The following OSBPL5 variants were observed in gnomAD, a reference collection of about 807,000 sequenced individuals.
The protein encoded by OSBPL5 is oxysterol binding protein like 5, also known as oxysterol-binding protein-related protein 5.
In OSBPL5, 71 loss-of-function variants were observed where a neutral mutation model predicts 111.2. The ratio of observed to expected loss-of-function variants is 0.64; its 90% confidence interval spans 0.53 to 0.78. The LOEUF (loss-of-function observed/expected upper bound fraction) is 0.78. Among genes scored for constraint, OSBPL5 ranks in the 30% least tolerant of loss-of-function variants. OSBPL5 has a pLI of 0.00. For synonymous variants in OSBPL5, 549 were observed against 513.9 expected (o/e 1.07, Z -0.93); for missense variants, 1,210 against 1,189.3 (o/e 1.02, Z -0.26).
Position 3,088,001 on chromosome 11 carries a change from C to T in OSBPL5, c.*204G>A. ...TAAGGCCAGCGCTGGGCGGAAGGCC[C>T]TGCAGAGAGGCCAGTGCCCCTGAGA... On this transcript the variant is annotated 3_prime_UTR_variant, in exon 22 of 22. Transcript: ENST00000263650. 2 of 469,590 alleles carry T rather than the reference C, an allele frequency of 4.3e-6. No homozygotes were observed. Among genetic ancestry groups the T allele is most frequent in the Non-Finnish European group, 7.4e-6 (2 of 270,414 alleles). The allele number at this position is 469,590 out of a possible 1,614,324, so 29.1% of individuals were successfully genotyped here.
At chr11:3,132,076 C>G (rs1845831027) in intron 1 of OSBPL5, among the ~76,000 whole-genome samples, 1 of 151,334 alleles carries the variant, frequency 6.6e-6, no homozygotes, top group Non-Finnish European at 1.5e-5. Context: ...ACCCCTCTAT[C>G]CCTCCTTGAA....
chr11:3,125,298 G>C (rs1310991815), intron 3 of OSBPL5, among the ~76,000 whole-genome samples: 1 of 152,182 alleles, frequency 6.6e-6, no homozygotes, highest in Non-Finnish European at 1.5e-5. Flanking sequence ...TATCGGATAA[G>C]GACCTAGTAT....
chr11:3,138,692 C>T (rs1419474477), intron 1 of OSBPL5, among the ~76,000 whole-genome samples: 1 of 152,234 alleles, frequency 6.6e-6, no homozygotes, highest in Non-Finnish European at 1.5e-5. Flanking sequence ...GGTGCCAGTG[C>T]CCCCTTGCCT....
intron 1 of OSBPL5, among the ~76,000 whole-genome samples, chr11:3,143,919 G>T (rs760804008): frequency 1.3e-5 from 2 of 152,218 alleles, no homozygotes; most frequent in Non-Finnish European, 2.9e-5. Flanking sequence ...GGAATCGACA[G>T]CTCTTGGGAT....
intron 1 of OSBPL5, among the ~76,000 whole-genome samples, chr11:3,139,545 A>G (rs1846045774): frequency 6.6e-6 from 1 of 152,180 alleles, no homozygotes; most frequent in African/African-American, 2.4e-5. Flanking sequence ...GGGGGCTTTA[A>G]TCACCAGCCC....
Position 3,107,037 on chromosome 11 carries a change from C to T in OSBPL5, c.1059+226G>A, listed in dbSNP as rs1857717973. ...GCAAACCCCTGCCCGATCCCCGCAT[C>T]TGCATGCCAGCCAGCCAGCCAGCCA... On this transcript the variant is annotated intron_variant, in intron 9 of 21. Coordinates refer to ENST00000263650, the MANE Select transcript of OSBPL5 (RefSeq NM_020896.4). The surrounding 1 kb of genome is among the most constrained non-coding windows in gnomAD (Gnocchi z 6.1). Among the ~76,000 whole-genome samples the T allele has an allele frequency of 6.6e-6, 1 of 150,454 alleles. No homozygotes were observed. The highest frequency in any genetic ancestry group is 2.1e-4 in the South Asian group (1 of 4,680).
chr11:3,100,971 CTTTTTTTTTTT>C (rs1196891233), intron 13 of OSBPL5, among the ~76,000 whole-genome samples: 1 of 123,436 alleles, frequency 8.1e-6, no homozygotes, highest in Admixed American at 8.3e-5. Flanking sequence ...AGTTTCATTT[CTTTTTTTTTTT>C]TTTTTTTTTT....
At chr11:3,108,055 C>T (rs534105052) in intron 7 of OSBPL5, 110 bp from the exon 8 acceptor site, 3 of 1,410,724 alleles carry the variant, frequency 2.1e-6, no homozygotes, top group East Asian at 2.5e-5. Context: ...GGGACCCACC[C>T]CCTCCATCCC....
intron 1 of OSBPL5, among the ~76,000 whole-genome samples, chr11:3,143,214 G>A (rs575033534): frequency 2.0e-4 from 23 of 114,042 alleles, no homozygotes; most frequent in African/African-American, 7.6e-4. Flanking sequence ...GCAGAGGGGG[G>A]CAGAGGAGGC....
At position 3,109,604 on chromosome 11, in the gene OSBPL5, C is replaced by G. The variant is rs1026494184; in HGVS notation, c.692-1659G>C. 4.6e-5 allele frequency among the ~76,000 whole-genome samples: 7 copies of G among 151,986 alleles called. No individual in the cohort carries two copies. The highest frequency in any genetic ancestry group is 1.7e-4 in the African/African-American group (7 of 41,348). ...CCTGCCTAGACAGTGGCTCCTGGGT[C>G]TCTAGAGCTGCCCTTCTCATTGGGT... On this transcript the variant is annotated intron_variant, in intron 7 of 21. Coordinates refer to ENST00000263650, the MANE Select transcript of OSBPL5 (RefSeq NM_020896.4). The surrounding 1 kb of genome is among the most constrained non-coding windows in gnomAD (Gnocchi z 7.4).
At chr11:3,151,980 G>A (rs964041180) in intron 1 of OSBPL5, among the ~76,000 whole-genome samples, 5 of 152,248 alleles carry the variant, frequency 3.3e-5, no homozygotes, top group Admixed American at 6.5e-5. Context: ...GCACGTCACC[G>A]AGGCTTCTGG....
chr11:3,112,958 A>C (rs1267193910), intron 7 of OSBPL5, among the ~76,000 whole-genome samples: 1 of 152,164 alleles, frequency 6.6e-6, no homozygotes, highest in Non-Finnish European at 1.5e-5. Flanking sequence ...TAAGACAGGA[A>C]AAAAAAATTT....
rs192731221 is a variant in OSBPL5, at chr11:3,130,408, G to A, written c.-21-1239C>T. On this transcript the variant is annotated intron_variant, in intron 1 of 21. Transcript: ENST00000263650. This position sits in a 1 kb window ranked among gnomAD's most constrained non-coding sequence, Gnocchi z 4.5. Reference sequence around the variant, plus strand: ...TCTCCCATGGTCCTGGGCTTTGCTGGGGGGGGCCTCAGACACACAGAGACT... The same window carrying A: ...TCTCCCATGGTCCTGGGCTTTGCTGAGGGGGGCCTCAGACACACAGAGACT... Among the ~76,000 whole-genome samples, 25 of 152,338 alleles carry A rather than the reference G, an allele frequency of 1.6e-4. No homozygotes were observed. Among genetic ancestry groups the A allele is most frequent in the African/African-American group, 4.1e-4 (17 of 41,568 alleles).
At chr11:3,164,746 C>G (rs1847061323) in intron 1 of OSBPL5, among the ~76,000 whole-genome samples, 5 of 152,224 alleles carry the variant, frequency 3.3e-5, no homozygotes, top group Admixed American at 3.3e-4. Flanking sequence ...ACTCAGATCC[C>G]AGACCCCCTG....
At chr11:3,164,538 A>G (rs1224241129) in intron 1 of OSBPL5, 2 of 152,596 alleles carry the variant, frequency 1.3e-5, no homozygotes, top group African/African-American at 4.8e-5. Flanking sequence ...GCTCCCCGGG[A>G]GGAATCTTCA....
In OSBPL5 at chr11:3,104,444, G is replaced by A; in HGVS notation, c.1060-67C>T. The A allele has an allele frequency of 6.4e-7, 1 of 1,550,506 alleles. No homozygotes were observed. The highest frequency in any genetic ancestry group is 8.7e-7 in the Non-Finnish European group (1 of 1,149,988). On this transcript the variant is annotated intron_variant, in intron 9 of 21. Coordinates refer to ENST00000263650, the MANE Select transcript of OSBPL5 (RefSeq NM_020896.4). This position sits in a 1 kb window ranked among gnomAD's most constrained non-coding sequence, Gnocchi z 5.0. ...CGGGAGGAAGGGGTGGCGGGACAGT[G>A]GCAGCTCTGGCTGGAGGAGGCTGTA...
chr11:3,118,678 T>A (rs1858294666), intron 7 of OSBPL5, among the ~76,000 whole-genome samples: 1 of 151,074 alleles, frequency 6.6e-6, no homozygotes, highest in African/African-American at 2.4e-5. Context: ...TTCAAGGGAT[T>A]CTCTTGCCTC....
Position 3,107,958 on chromosome 11 carries a change from C to G in OSBPL5, c.692-13G>C, listed in dbSNP as rs759190102. The G allele has an allele frequency of 3.8e-6, 6 of 1,575,920 alleles. No individual in the cohort carries two copies. Among genetic ancestry groups the G allele is most frequent in the Non-Finnish European group, 5.1e-6 (6 of 1,172,196 alleles). ...AGCCAGCAGCGACCTGCGGGGCACA[C>G]GGGATGAGCATGCCCCACCCCCACC... On this transcript the variant is annotated splice_polypyrimidine_tract_variant and intron_variant, in intron 7 of 21. Coordinates refer to ENST00000263650, the MANE Select transcript of OSBPL5 (RefSeq NM_020896.4). This position sits in a 1 kb window ranked among gnomAD's most constrained non-coding sequence, Gnocchi z 6.1.
chr11:3,092,391 C>A lies in OSBPL5; in HGVS notation c.2259+41G>T. On this transcript the variant is annotated intron_variant, in intron 19 of 21. Transcript: ENST00000263650. This position sits in a 1 kb window ranked among gnomAD's most constrained non-coding sequence, Gnocchi z 5.4. ...CGAGGGGTGGTGGTGGCCACACGTG[C>A]AGCTAAGACCAGCCCTGGGTGGGGC... The A allele has an allele frequency of 1.3e-6, 2 of 1,530,328 alleles. No homozygotes were observed. Among genetic ancestry groups the A allele is most frequent in the South Asian group, 2.4e-5 (2 of 81,766 alleles). 94.8% of individuals were successfully genotyped at this position (1,530,328 alleles called of 1,614,324 possible).
Sources: gnomAD v4.1 joint callset for allele counts (sites outside exome capture counted in the v4.1 genomes callset) on GRCh38, gnomAD v4.1.1 for gene constraint, Gnocchi (gnomAD v3.1) non-coding constraint, MANE v1.5 for transcripts, NCBI Gene and HGNC (gene_info 2026-07-23, HGNC 2026-07-21) for gene names.